Variants in ANKRD12 observed in about 807,000 individuals in gnomAD.
ANKRD12 encodes the protein ankyrin repeat domain-containing protein 12.
Under a neutral mutation model 183.4 loss-of-function variants are expected in ANKRD12, and 85 were observed. The ratio of observed to expected loss-of-function variants is 0.46; its 90% CI spans 0.39 to 0.56. The LOEUF is 0.56. ANKRD12 is among the 20% of genes least tolerant of loss of function. The pLI, the probability that ANKRD12 is intolerant of heterozygous loss-of-function variation, is 0.00. For synonymous variants in ANKRD12, 914 were observed against 800.2 expected (o/e 1.14, Z -2.40); for missense variants, 2,405 against 2,357.1 (o/e 1.02, Z -0.42).
chr18:9,258,137 A>C lies in ANKRD12; in HGVS notation c.4870A>C (p.Thr1624Pro), dbSNP rs113078133. 0.012 allele frequency: 18,801 copies of C among 1,613,700 alleles called. 131 individuals are homozygous for C. Among genetic ancestry groups the C allele is most frequent in the Non-Finnish European group, 0.013 (15,864 of 1,179,968 alleles). The part of the protein sequence containing the change: ...SSGHEVENST[T>P]DTQVISHEKE... ...TGGCCATGAAGTTGAGAATAGCACA[A>C]CTGATACTCAGGTCATTTCACATGA... Residue 1624 changes from threonine to proline, a missense_variant, in exon 9 of 13, where the codon ACT becomes CCT. Thr to Pro is a conservative substitution (Grantham distance 38). This residue lies in a region of ANKRD12 where 1,983 missense variants were observed against 1,725.9 expected (regional missense o/e 1.15). Coordinates refer to ENST00000262126, the MANE Select transcript of ANKRD12 (RefSeq NM_015208.5).
intron 4 of ANKRD12, among the ~76,000 whole-genome samples, chr18:9,205,779 A>T (rs144230101): frequency 1.3e-5 from 2 of 152,076 alleles, no homozygotes; most frequent in Admixed American, 6.6e-5. Flanking sequence ...TACATTGCAA[A>T]CAGGATTGAC....
At chr18:9,244,619 C>T (rs1356620254) in intron 8 of ANKRD12, among the ~76,000 whole-genome samples, 1 of 152,130 alleles carries the variant, frequency 6.6e-6, no homozygotes, top group Non-Finnish European at 1.5e-5. Flanking sequence ...CGTATGATTT[C>T]GATTCTGAGA....
chr18:9,161,707 G>A (rs1208752992), intron 1 of ANKRD12, among the ~76,000 whole-genome samples: 1 of 151,644 alleles, frequency 6.6e-6, no homozygotes, highest in Non-Finnish European at 1.5e-5. Context: ...AAAGAATTGT[G>A]TATAGTTACG....
intron 1 of ANKRD12, among the ~76,000 whole-genome samples, chr18:9,170,350 C>A (rs1417295704): frequency 3.3e-5 from 5 of 152,222 alleles, no homozygotes; most frequent in African/African-American, 1.2e-4. Flanking sequence ...TCAGGTAAAC[C>A]AGTCAGATGT....
intron 1 of ANKRD12, among the ~76,000 whole-genome samples, chr18:9,147,696 G>C (rs1047425358): frequency 2.0e-5 from 3 of 152,140 alleles, no homozygotes; most frequent in Non-Finnish European, 2.9e-5. Context: ...AATGTACCTA[G>C]AAATCTAGTG....
chr18:9,235,466 A>G (rs1319849457), intron 8 of ANKRD12, among the ~76,000 whole-genome samples: 1 of 152,212 alleles, frequency 6.6e-6, no homozygotes, highest in South Asian at 2.1e-4. Flanking sequence ...AAGTTAAAAT[A>G]TTACTATTTT....
intron 2 of ANKRD12, among the ~76,000 whole-genome samples, chr18:9,185,879 G>T (rs1442416148): frequency 6.6e-6 from 1 of 152,188 alleles, no homozygotes. Context: ...CTTGATGAAA[G>T]TAGTTTGCGT....
chr18:9,264,841 C>T (rs566109169), intron 10 of ANKRD12, among the ~76,000 whole-genome samples: 2 of 152,328 alleles, frequency 1.3e-5, no homozygotes, highest in Non-Finnish European at 2.9e-5. Flanking sequence ...TGCCACCTTA[C>T]AGTTAAGAAT....
intron 2 of ANKRD12, among the ~76,000 whole-genome samples, chr18:9,185,153 G>A (rs1377182754): frequency 6.6e-6 from 1 of 152,214 alleles, no homozygotes; most frequent in Non-Finnish European, 1.5e-5. Flanking sequence ...AGCCTATGAA[G>A]GATGGAGGAT....
chr18:9,176,279 T>G (rs1343715433), intron 1 of ANKRD12, among the ~76,000 whole-genome samples: 3 of 152,112 alleles, frequency 2.0e-5, no homozygotes, highest in Non-Finnish European at 4.4e-5. Flanking sequence ...CTGTTCTATT[T>G]TTTTTTTGAG....
Position 9,281,308 on chromosome 18 carries a change from C to G in ANKRD12, c.*182C>G. On this transcript the variant is annotated 3_prime_UTR_variant, in exon 13 of 13. Coordinates refer to ENST00000262126, the MANE Select transcript of ANKRD12 (RefSeq NM_015208.5). The stretch of plus-strand genomic sequence containing the variant: ...ATGAGAATTATTTTGGATCTTAGAT[C>G]CAAACACAGTTTCTAATAGAAAACT... 2.0e-6 allele frequency: 1 copy of G among 487,938 alleles called. No individual in the cohort carries two copies. The highest frequency in any genetic ancestry group is 5.3e-4 in the Middle Eastern group (1 of 1,898). 30.2% of individuals were successfully genotyped at this position (487,938 alleles called of 1,614,324 possible). A position where few individuals can be genotyped will look rare whatever the true frequency, so the allele number is the denominator to read the frequency against.
At chr18:9,147,879 CTG>C (rs1255405261) in intron 1 of ANKRD12, among the ~76,000 whole-genome samples, 1 of 152,142 alleles carries the variant, frequency 6.6e-6, no homozygotes, top group African/African-American at 2.4e-5. Flanking sequence ...TGTACTTACT[CTG>C]TGAAATTTTA....
chr18:9,214,046 A>G (rs1258950275), intron 6 of ANKRD12, among the ~76,000 whole-genome samples: 3 of 152,050 alleles, frequency 2.0e-5, no homozygotes, highest in Non-Finnish European at 4.4e-5. Flanking sequence ...TGAACTGTGT[A>G]GGTCTACTTA....
At chr18:9,165,818 A>G (rs904441355) in intron 1 of ANKRD12, among the ~76,000 whole-genome samples, 7 of 150,220 alleles carry the variant, frequency 4.7e-5, no homozygotes, top group Non-Finnish European at 1.0e-4. Flanking sequence ...TGCTGCATCC[A>G]TTAACTCATC....
rs1291909032 is a variant in ANKRD12 at position 9,195,573 on chromosome 18, A to G, written c.110A>G (p.Tyr37Cys). Residue 37 changes from tyrosine to cysteine, a missense_variant, in exon 3 of 13, where the codon TAC becomes TGC. Physicochemically the swap from Tyr to Cys is radical, Grantham distance 194. Around this residue, in one of 7 missense-constraint regions of ANKRD12, gnomAD observed 145 missense variants for 145.6 expected, o/e 1.00. Transcript: ENST00000262126. ...TAGAGTAAAGACAAGATTGCATCCT[A>G]CAGCAAAACTCCAAAAATTGAACGA... Reference protein sequence around the residue: ...GRKSKDKIASYSKTPKIERSD... With the variant: ...GRKSKDKIASCSKTPKIERSD... 1 of 1,608,780 alleles carries G rather than the reference A, an allele frequency of 6.2e-7. No homozygotes were observed. The highest frequency in any genetic ancestry group is 2.2e-5 in the East Asian group (1 of 44,612).
At chr18:9,262,786 C>CTTTTGTTT (rs775877613) in intron 9 of ANKRD12, among the ~76,000 whole-genome samples, 1 of 87,932 alleles carries the variant, frequency 1.1e-5, no homozygotes, top group Non-Finnish European at 2.3e-5. Flanking sequence ...CCAAGATGTC[C>CTTTTGTTT]CTTTTTTTTT....
At chr18:9,268,172 C>T (rs1488978683) in intron 10 of ANKRD12, among the ~76,000 whole-genome samples, 5 of 152,036 alleles carry the variant, frequency 3.3e-5, no homozygotes, top group Non-Finnish European at 4.4e-5. Flanking sequence ...GATTCACAGC[C>T]AGATTCTACC....
chr18:9,244,756 A>G (rs966121887), intron 8 of ANKRD12, among the ~76,000 whole-genome samples: 1 of 152,228 alleles, frequency 6.6e-6, no homozygotes, highest in African/African-American at 2.4e-5. Context: ...TCCATGGAGT[A>G]TAAGCATGCT....
At chr18:9,277,515 G>T (rs1027583487) in intron 11 of ANKRD12, among the ~76,000 whole-genome samples, 1 of 151,490 alleles carries the variant, frequency 6.6e-6, no homozygotes, top group Middle Eastern at 3.2e-3. Context: ...TTTTAGTAGA[G>T]ACGGGGTTTC....
Sources: allele counts gnomAD v4.1 joint callset (sites outside exome capture counted in the v4.1 genomes callset), GRCh38; gene constraint gnomAD v4.1.1; regional missense constraint gnomAD v4.1.1; transcripts MANE v1.5; gene names NCBI Gene and HGNC (gene_info 2026-07-23, HGNC 2026-07-21).